ATP8A2: variants seen among roughly 807,000 people sequenced by gnomAD.
The protein encoded by ATP8A2 is ATPase phospholipid transporting 8A2, also known as phospholipid-transporting ATPase IB.
In ATP8A2, 100 loss-of-function variants were observed where a neutral mutation model predicts 165.6. The observed-to-expected ratio is 0.60, with a 90% CI of 0.51 to 0.71. The LOEUF is 0.71. Among genes scored for constraint, ATP8A2 ranks in the 30% least tolerant of loss-of-function variants. ATP8A2 has a pLI of 0.00. For synonymous variants in ATP8A2, 543 were observed against 548.8 expected, an observed-to-expected ratio of 0.99 and a Z score of 0.15; for missense variants, 1,227 against 1,479.5, an observed-to-expected ratio of 0.83 and a Z score of 2.80.
At chr13:25,901,174 G>A (rs1424848464) in intron 33 of ATP8A2, among the ~76,000 whole-genome samples, 2 of 152,168 alleles carry the variant, frequency 1.3e-5, no homozygotes, top group African/African-American at 2.4e-5. Flanking sequence ...ACATTGGAGA[G>A]GAAATGTTCT....
At chr13:26,003,657 G>A (rs776676230) in intron 35 of ATP8A2, among the ~76,000 whole-genome samples, 7 of 152,054 alleles carry the variant, frequency 4.6e-5, no homozygotes, top group Non-Finnish European at 7.4e-5. Flanking sequence ...GTTTCAACTC[G>A]TATATATAAG....
At position 25,913,001 on chromosome 13, in the gene ATP8A2, A is replaced by G. The variant is rs561554186; in HGVS notation, c.3184-48574A>G. ...TCACCTGTGTGACTTTTAGCAAGTTACTATCATCCCTACGTGTAGGTTCCT... is the reference window on the plus strand; with the variant it reads ...TCACCTGTGTGACTTTTAGCAAGTTGCTATCATCCCTACGTGTAGGTTCCT... On this transcript the variant is annotated intron_variant, in intron 33 of 36. Transcript: ENST00000381655. 9.8e-5 allele frequency among the ~76,000 whole-genome samples: 15 copies of G among 152,372 alleles called. 1 individual carries two copies. The South Asian group carries it at 1.9e-3, about 19-fold the overall frequency.
At chr13:25,883,966 TG>T (rs1953060280) in intron 33 of ATP8A2, among the ~76,000 whole-genome samples, 1 of 152,206 alleles carries the variant, frequency 6.6e-6, no homozygotes, top group Non-Finnish European at 1.5e-5. Context: ...GCAAGGAGTA[TG>T]GGTCTCTGGT....
chr13:25,516,259 G>A (rs2037465474), intron 2 of ATP8A2, among the ~76,000 whole-genome samples: 1 of 152,120 alleles, frequency 6.6e-6, no homozygotes, highest in African/African-American at 2.4e-5. Flanking sequence ...GACAAGGTAT[G>A]TCCTCCCCGA....
Position 25,780,201 on chromosome 13 carries a change from TAAGG to T in ATP8A2, c.2679+5246_2679+5249del, listed in dbSNP as rs566914496. On this transcript the variant is annotated intron_variant, in intron 27 of 36. Transcript: ENST00000381655. ...ATCTCTTGTAAACTTTGGTATAACA[TAAGG>T]AAGATATGCCAAATTATTTTTGAAA... 1.3e-3 allele frequency among the ~76,000 whole-genome samples: 201 copies of T among 152,318 alleles called. 1 individual carries two copies. Among genetic ancestry groups the T allele is most frequent in the African/African-American group, 4.6e-3 (190 of 41,574 alleles).
intron 27 of ATP8A2, among the ~76,000 whole-genome samples, chr13:25,813,479 CTGA>C (rs1950931896): frequency 8.2e-6 from 1 of 121,376 alleles, no homozygotes; most frequent in Non-Finnish European, 1.7e-5. Flanking sequence ...GTGATATGAT[CTGA>C]TGATATGATA....
At chr13:25,380,112 A>G (rs1211248618) in intron 1 of ATP8A2, among the ~76,000 whole-genome samples, 1 of 152,180 alleles carries the variant, frequency 6.6e-6, no homozygotes, top group Admixed American at 6.5e-5. Context: ...CAGGTGTAAA[A>G]TAATGAGGCC....
intron 35 of ATP8A2, among the ~76,000 whole-genome samples, chr13:26,011,867 C>T (rs192122042): frequency 2.2e-4 from 34 of 152,138 alleles, no homozygotes; most frequent in Admixed American, 1.9e-3. Flanking sequence ...CCCAGGAGTT[C>T]GAGGCTGCAG....
chr13:25,543,484 T>C (rs2038548038), intron 10 of ATP8A2, 82 bp downstream of exon 10: 1 of 897,232 alleles, frequency 1.1e-6, no homozygotes, highest in Admixed American at 2.1e-5. Context: ...AGATGTTGCA[T>C]TTAGGAAGTT....
chr13:25,875,203 C>G (rs1952793203), intron 33 of ATP8A2, among the ~76,000 whole-genome samples: 1 of 152,084 alleles, frequency 6.6e-6, no homozygotes, highest in South Asian at 2.1e-4. Flanking sequence ...GTTAACCATA[C>G]TGAACTTTCC....
In ATP8A2 at chr13:25,766,851, A is replaced by G. The variant is rs566261581; in HGVS notation, c.2385-2195A>G. ...CAGTTAAGATGTTTCACATAATCCT[A>G]TGCTAGGTGGAGTGTGAGATGCAAT... On this transcript the variant is annotated intron_variant, in intron 25 of 36. Coordinates refer to ENST00000381655, the MANE Select transcript of ATP8A2 (RefSeq NM_016529.6). 1.2e-3 allele frequency among the ~76,000 whole-genome samples: 187 copies of G among 152,306 alleles called. 1 individual carries two copies. The highest frequency in any genetic ancestry group is 4.3e-3 in the African/African-American group (178 of 41,558).
rs142108384 is a variant in ATP8A2 at position 25,946,014 on chromosome 13, G to T, written c.3184-15561G>T. On this transcript the variant is annotated intron_variant, in intron 33 of 36. Transcript: ENST00000381655. ...GGTTCTGGTGAAATGGATCATGTGA[G>T]AGTGGGAGCACAGCTGACCAGGCTA... is the stretch of plus-strand genomic sequence containing the variant. 4.0e-3 allele frequency among the ~76,000 whole-genome samples: 616 copies of T among 152,338 alleles called. 4 individuals are homozygous for T. The highest frequency in any genetic ancestry group is 0.014 in the African/African-American group (591 of 41,586).
rs368487244 is a variant in ATP8A2 at position 25,526,315 on chromosome 13, G to A, written c.222-3684G>A. Among the ~76,000 whole-genome samples the A allele has an allele frequency of 1.1e-4, 17 of 151,966 alleles. 1 individual carries two copies. The highest frequency in any genetic ancestry group is 7.2e-4 in the Admixed American group (11 of 15,250). ...GGGTTAGTCACTGGATCCTTGCTTC[G>A]TTTGTTCAGGGAAGTCATGGTTCCC... On this transcript the variant is annotated intron_variant, in intron 2 of 36. Coordinates refer to ENST00000381655, the MANE Select transcript of ATP8A2 (RefSeq NM_016529.6).
At chr13:25,489,587 C>A (rs530485913) in intron 2 of ATP8A2, among the ~76,000 whole-genome samples, 2 of 152,312 alleles carry the variant, frequency 1.3e-5, no homozygotes, top group South Asian at 4.1e-4. Context: ...CGCATCCTCC[C>A]CAGCACGACG....
chr13:25,850,562 A>G (rs1951981226), intron 30 of ATP8A2, among the ~76,000 whole-genome samples: 1 of 151,610 alleles, frequency 6.6e-6, no homozygotes, highest in African/African-American at 2.4e-5. Flanking sequence ...GTAGATAAAT[A>G]CTGTTCCAAA....
At chr13:25,760,325 G>T (rs2044356252) in intron 25 of ATP8A2, among the ~76,000 whole-genome samples, 2 of 152,032 alleles carry the variant, frequency 1.3e-5, no homozygotes. Flanking sequence ...AGAGAGAGAT[G>T]GCCATATATA....
chr13:25,467,452 A>G (rs2035699548), intron 1 of ATP8A2, among the ~76,000 whole-genome samples: 1 of 152,244 alleles, frequency 6.6e-6, no homozygotes, highest in Non-Finnish European at 1.5e-5. Flanking sequence ...AATCACTTTA[A>G]AAAGATGATG....
chr13:25,679,279 T>TA (rs1438312974), intron 24 of ATP8A2, among the ~76,000 whole-genome samples: 2 of 152,136 alleles, frequency 1.3e-5, no homozygotes, highest in African/African-American at 2.4e-5. Context: ...AACATCCTGA[T>TA]AAAAAATGGT....
At chr13:25,707,203 A>C (rs2043071028) in intron 25 of ATP8A2, among the ~76,000 whole-genome samples, 1 of 152,210 alleles carries the variant, frequency 6.6e-6, no homozygotes, top group African/African-American at 2.4e-5. Flanking sequence ...AACCATTTCT[A>C]AATAATTATT....
Sources: allele counts gnomAD v4.1 joint callset (sites outside exome capture counted in the v4.1 genomes callset), GRCh38; gene constraint gnomAD v4.1.1; transcripts MANE v1.5; gene names NCBI Gene and HGNC (gene_info 2026-07-23, HGNC 2026-07-21).